FAF1: variants seen among roughly 807,000 people sequenced by gnomAD.
The protein encoded by FAF1 is Fas associated factor 1.
FAF1 carries 25 observed loss-of-function variants against 92.5 expected under a neutral mutation model. The observed-to-expected ratio is 0.27, with a 90% CI of 0.20 to 0.38. The LOEUF is 0.38. Ranked by LOEUF, FAF1 falls within the 10% of genes least tolerant of loss-of-function variation. The probability of loss-of-function intolerance (pLI) is 1.00; values close to 1 mark genes in which losing one functional copy is unlikely to be tolerated. For synonymous variants in FAF1, 234 were observed against 273.2 expected (o/e 0.86, Z 1.42); for missense variants, 636 against 793.3 (o/e 0.80, Z 2.38).
At chr1:50,874,627 A>G (rs1403863508) in intron 1 of FAF1, among the ~76,000 whole-genome samples, 16 of 152,106 alleles carry the variant, frequency 1.1e-4, no homozygotes, top group Admixed American at 1.0e-3. Flanking sequence ...CCAATGCACA[A>G]GGATTACTGG....
intron 18 of FAF1, among the ~76,000 whole-genome samples, chr1:50,444,715 T>C (rs1190425184): frequency 2.6e-5 from 4 of 152,218 alleles, no homozygotes; most frequent in African/African-American, 9.7e-5. Context: ...TTATATACTT[T>C]TTATATAGTA....
At chr1:50,801,519 C>T (rs1321349918) in intron 3 of FAF1, 112 bp downstream of exon 3, 1 of 608,656 alleles carries the variant, frequency 1.6e-6, no homozygotes, top group Non-Finnish European at 3.0e-6. Context: ...TGTTAATGAA[C>T]TTATATACCC....
chr1:50,639,123 C>T (rs188731204), intron 8 of FAF1, among the ~76,000 whole-genome samples: 3 of 152,304 alleles, frequency 2.0e-5, no homozygotes, highest in Non-Finnish European at 4.4e-5. Flanking sequence ...TTGTATCTAT[C>T]AGTAGTTTGC....
chr1:50,487,831 T>C (rs184600795), intron 17 of FAF1, among the ~76,000 whole-genome samples: 1 of 152,196 alleles, frequency 6.6e-6, no homozygotes, highest in African/African-American at 2.4e-5. Context: ...ACAGGTAGTG[T>C]TGCTGTGAAA....
intron 18 of FAF1, among the ~76,000 whole-genome samples, chr1:50,472,090 T>G (rs1453841115): frequency 6.6e-6 from 1 of 151,978 alleles, no homozygotes; most frequent in Non-Finnish European, 1.5e-5. Flanking sequence ...GGGAAGGGCC[T>G]ATGTTTGGGC....
At chr1:50,659,885 A>T (rs1033447712) in intron 7 of FAF1, among the ~76,000 whole-genome samples, 27 of 152,194 alleles carry the variant, frequency 1.8e-4, no homozygotes, top group Admixed American at 2.6e-4. Context: ...AAATCAGGTT[A>T]ATTTTTAATA....
At chr1:50,693,323 T>A (rs1488459014) in intron 7 of FAF1, among the ~76,000 whole-genome samples, 1 of 152,156 alleles carries the variant, frequency 6.6e-6, no homozygotes, top group Non-Finnish European at 1.5e-5. Flanking sequence ...TTCTTGGTAA[T>A]CTTGCTGAAA....
intron 6 of FAF1, among the ~76,000 whole-genome samples, chr1:50,717,793 G>T (rs1658237635): frequency 6.6e-6 from 1 of 152,110 alleles, no homozygotes; most frequent in Non-Finnish European, 1.5e-5. Flanking sequence ...CTTGAGGCCA[G>T]GAGTTCAAAA....
chr1:50,942,653 T>C (rs1472173421), intron 1 of FAF1, among the ~76,000 whole-genome samples: 1 of 152,072 alleles, frequency 6.6e-6, no homozygotes, highest in Non-Finnish European at 1.5e-5. Context: ...CTGTTACAAT[T>C]TCATGGATAT....
chr1:50,534,639 T>C (rs1248906581), intron 15 of FAF1, among the ~76,000 whole-genome samples: 2 of 152,118 alleles, frequency 1.3e-5, no homozygotes, highest in East Asian at 1.9e-4. Flanking sequence ...AAACTCTTCT[T>C]AAATAACCTA....
At chr1:50,867,223 C>T (rs1339804564) in intron 1 of FAF1, among the ~76,000 whole-genome samples, 2 of 152,018 alleles carry the variant, frequency 1.3e-5, no homozygotes, top group African/African-American at 4.8e-5. Flanking sequence ...AACCTGAAAC[C>T]GTACAACTCA....
At chr1:50,491,843 T>G in intron 15 of FAF1, 42 bp from the exon 16 acceptor site, 2 of 1,481,738 alleles carry the variant, frequency 1.3e-6, no homozygotes, top group Non-Finnish European at 1.9e-6. Flanking sequence ...ATATAACTTT[T>G]TTTTGAAAAA....
intron 1 of FAF1, among the ~76,000 whole-genome samples, chr1:50,931,430 C>T (rs1645046401): frequency 6.6e-6 from 1 of 151,752 alleles, no homozygotes; most frequent in Non-Finnish European, 1.5e-5. Flanking sequence ...CTTACAGTTC[C>T]ACATAGCTGG....
At chr1:50,882,790 A>G (rs900232966) in intron 1 of FAF1, among the ~76,000 whole-genome samples, 1 of 152,008 alleles carries the variant, frequency 6.6e-6, no homozygotes, top group Non-Finnish European at 1.5e-5. Flanking sequence ...GTTCAAGACC[A>G]GCGTGGCCAA....
intron 13 of FAF1, among the ~76,000 whole-genome samples, chr1:50,540,355 T>C (rs1015666966): frequency 1.3e-5 from 2 of 152,188 alleles, no homozygotes; most frequent in Non-Finnish European, 1.5e-5. Context: ...ATAAAATTTC[T>C]TAAATAGAAT....
intron 8 of FAF1, among the ~76,000 whole-genome samples, chr1:50,634,226 C>A (rs1157102331): frequency 1.3e-5 from 2 of 151,936 alleles, no homozygotes; most frequent in Non-Finnish European, 2.9e-5. Context: ...GTTGTAAGCA[C>A]CCCTCTATTT....
chr1:50,718,131 T>G (rs934840594), intron 6 of FAF1, among the ~76,000 whole-genome samples: 5 of 152,110 alleles, frequency 3.3e-5, no homozygotes, highest in Admixed American at 6.6e-5. Context: ...GCGATTCTCC[T>G]GCTTCAGCCT....
At chr1:50,922,805 C>T (rs1377634241) in intron 1 of FAF1, among the ~76,000 whole-genome samples, 10 of 117,408 alleles carry the variant, frequency 8.5e-5, no homozygotes, top group African/African-American at 1.4e-4. Flanking sequence ...GGCAACAGTG[C>T]GAGAATCCAC....
chr1:50,903,766 A>C (rs1395570402), intron 1 of FAF1, among the ~76,000 whole-genome samples: 1 of 152,200 alleles, frequency 6.6e-6, no homozygotes, highest in Non-Finnish European at 1.5e-5. Flanking sequence ...GAACTGAATT[A>C]TCCCTGGCTC....
Sources: allele counts gnomAD v4.1 joint callset (sites outside exome capture counted in the v4.1 genomes callset), GRCh38; gene constraint gnomAD v4.1.1; transcripts MANE v1.5; gene names NCBI Gene and HGNC (gene_info 2026-07-23, HGNC 2026-07-21).